ESRRG: variants seen among roughly 807,000 people sequenced by gnomAD.
The protein encoded by ESRRG is estrogen related receptor gamma, also known as estrogen-related receptor gamma.
In ESRRG, 13 loss-of-function variants were observed where a neutral mutation model predicts 44.0. The observed-to-expected ratio is 0.30, with a 90% CI of 0.19 to 0.47. The LOEUF (loss-of-function observed/expected upper bound fraction) is 0.47, where lower values mean the gene tolerates loss of function less well. ESRRG is among the 20% of genes least tolerant of loss of function. The probability of loss-of-function intolerance (pLI) is 1.00; values close to 1 mark genes in which losing one functional copy is unlikely to be tolerated. For synonymous variants in ESRRG, 215 were observed against 214.6 expected (o/e 1.00, Z -0.02); for missense variants, 395 against 580.6 (o/e 0.68, Z 3.29).
chr1:216,545,230 G>GTT (rs5780892), intron 5 of ESRRG, among the ~76,000 whole-genome samples: 1,552 of 139,600 alleles, frequency 0.011, 23 homozygotes, highest in African/African-American at 0.038. Context: ...TAATTTTTAT[G>GTT]TTTTTTTTTT....
At chr1:217,023,285 C>T (rs1245702543) in intron 1 of ESRRG, among the ~76,000 whole-genome samples, 16 of 152,208 alleles carry the variant, frequency 1.1e-4, no homozygotes, top group Admixed American at 9.8e-4. Flanking sequence ...ACCAATAAGG[C>T]CCATCTGGAG....
intron 5 of ESRRG, among the ~76,000 whole-genome samples, chr1:216,557,630 T>C (rs913356390): frequency 1.3e-5 from 2 of 152,096 alleles, no homozygotes; most frequent in African/African-American, 4.8e-5. Flanking sequence ...AATAAATAAC[T>C]ATGGAGATGT....
chr1:216,594,563 T>C (rs1406933628), intron 3 of ESRRG, among the ~76,000 whole-genome samples: 2 of 152,158 alleles, frequency 1.3e-5, no homozygotes, highest in African/African-American at 4.8e-5. Context: ...ACTGGAGCAC[T>C]CAGCATCTAG....
chr1:216,598,776 T>C (rs995793790), intron 3 of ESRRG, among the ~76,000 whole-genome samples: 1 of 152,150 alleles, frequency 6.6e-6, no homozygotes, highest in Non-Finnish European at 1.5e-5. Context: ...GGTTTGCTTC[T>C]AAGCTATTTG....
At chr1:216,915,855 T>C (rs929672521) in intron 2 of ESRRG, among the ~76,000 whole-genome samples, 4 of 152,194 alleles carry the variant, frequency 2.6e-5, no homozygotes, top group African/African-American at 7.2e-5. Context: ...TGTACTACCT[T>C]GGGCTTCCAA....
intron 1 of ESRRG, among the ~76,000 whole-genome samples, chr1:216,964,733 A>C (rs1327803366): frequency 6.8e-6 from 1 of 146,656 alleles, no homozygotes; most frequent in East Asian, 1.9e-4. Context: ...TTCTTTATAA[A>C]AGGAGAAGAG....
intron 2 of ESRRG, among the ~76,000 whole-genome samples, chr1:216,767,317 G>T (rs769632955): frequency 2.2e-4 from 33 of 151,904 alleles, no homozygotes; most frequent in Non-Finnish European, 2.9e-4. Flanking sequence ...AAATTTCAAA[G>T]ACACTATTTC....
At chr1:216,746,260 G>C (rs12118292) in intron 2 of ESRRG, among the ~76,000 whole-genome samples, 10,712 of 152,194 alleles carry the variant, frequency 0.07, 454 homozygotes, top group South Asian at 0.11. Context: ...AGGACTATCT[G>C]CTGCCAGGGT....
chr1:216,934,856 T>G (rs547699669), intron 2 of ESRRG, among the ~76,000 whole-genome samples: 1 of 152,318 alleles, frequency 6.6e-6, no homozygotes, highest in South Asian at 2.1e-4. Context: ...CTTTTGATAG[T>G]TCACCTCCAA....
At chr1:216,695,230 T>A (rs1046614516) in intron 1 of ESRRG, among the ~76,000 whole-genome samples, 1 of 151,988 alleles carries the variant, frequency 6.6e-6, no homozygotes, top group Non-Finnish European at 1.5e-5. Context: ...AACAAATTAA[T>A]GCTTTGTCAT....
At chr1:216,778,906 T>C (rs1408739189) in intron 2 of ESRRG, among the ~76,000 whole-genome samples, 1 of 150,876 alleles carries the variant, frequency 6.6e-6, no homozygotes, top group Non-Finnish European at 1.5e-5. Flanking sequence ...AACCTATCTA[T>C]GCAACAGGTT....
At chr1:217,018,007 T>C (rs1241945745) in intron 1 of ESRRG, among the ~76,000 whole-genome samples, 1 of 152,212 alleles carries the variant, frequency 6.6e-6, no homozygotes, top group Non-Finnish European at 1.5e-5. Context: ...TGTGGCCAAA[T>C]GTATAAAACG....
At chr1:217,113,876 C>T (rs1035995234) in intron 1 of ESRRG, among the ~76,000 whole-genome samples, 1 of 151,876 alleles carries the variant, frequency 6.6e-6, no homozygotes, top group Non-Finnish European at 1.5e-5. Context: ...GCCTGTAGTC[C>T]CAGCTACTCC....
In ESRRG at chr1:216,694,549, TTTTTA is replaced by T. The variant is rs536680655; in HGVS notation, c.57-17063_57-17059del. ...CTTTTTTCTTTTTCTTATCTTTTCT[TTTTTA>T]TTTTATTTTATTTTATTTTTTTGAC... On this transcript the variant is annotated intron_variant, in intron 1 of 6. Coordinates refer to ENST00000408911, the MANE Select transcript of ESRRG (RefSeq NM_001438.4). Among the ~76,000 whole-genome samples, 662 of 152,062 alleles carry T rather than the reference TTTTTA, an allele frequency of 4.4e-3. 4 individuals carry two copies. Among genetic ancestry groups the T allele is most frequent in the Non-Finnish European group, 7.7e-3 (523 of 67,962 alleles).
intron 3 of ESRRG, among the ~76,000 whole-genome samples, chr1:216,589,704 G>C (rs755994389): frequency 1.1e-4 from 17 of 151,928 alleles, no homozygotes; most frequent in Non-Finnish European, 2.1e-4. Context: ...AGGAGTTCAA[G>C]AACAGCCTGG....
At chr1:217,127,144 A>T (rs2092903139) in intron 1 of ESRRG, among the ~76,000 whole-genome samples, 1 of 152,184 alleles carries the variant, frequency 6.6e-6, no homozygotes, top group Non-Finnish European at 1.5e-5. Flanking sequence ...GATTTTAAAC[A>T]CTTAATTGTA....
chr1:216,920,227 T>G (rs1031274930), intron 2 of ESRRG, among the ~76,000 whole-genome samples: 3 of 152,224 alleles, frequency 2.0e-5, no homozygotes, highest in African/African-American at 7.2e-5. Context: ...TAAAGCCTTC[T>G]TTAAAAAGTC....
At chr1:216,530,482 G>C (rs1216815824) in intron 5 of ESRRG, among the ~76,000 whole-genome samples, 1 of 152,114 alleles carries the variant, frequency 6.6e-6, no homozygotes, top group East Asian at 1.9e-4. Flanking sequence ...TGAAGGTAGA[G>C]TTGCTGGCTT....
chr1:217,102,638 A>T (rs2092534421), intron 1 of ESRRG, among the ~76,000 whole-genome samples: 1 of 152,162 alleles, frequency 6.6e-6, no homozygotes, highest in African/African-American at 2.4e-5. Flanking sequence ...ACCTTCCCCA[A>T]AGCATGGTTT....
Sources: allele counts gnomAD v4.1 joint callset (sites outside exome capture counted in the v4.1 genomes callset), GRCh38; gene constraint gnomAD v4.1.1; transcripts MANE v1.5; gene names NCBI Gene and HGNC (gene_info 2026-07-23, HGNC 2026-07-21).